Variants in DNAAF5 observed in about 807,000 individuals in gnomAD.
DNAAF5 encodes the protein dynein axonemal assembly factor 5.
DNAAF5 carries 64 observed loss-of-function variants against 75.8 expected under a neutral mutation model. The observed-to-expected ratio is 0.84, with a 90% CI of 0.69 to 1.04. The LOEUF is 1.04. DNAAF5 is among the 50% of genes least tolerant of loss of function. DNAAF5 has a pLI of 0.00. For missense variants in DNAAF5, 1,269 were observed against 1,178.5 expected, an observed-to-expected ratio of 1.08 and a Z score of -1.12; for synonymous variants, 657 against 557.2, an observed-to-expected ratio of 1.18 and a Z score of -2.52.
chr7:776,614 C>T (rs968140474), intron 11 of DNAAF5, among the ~76,000 whole-genome samples: 6 of 152,192 alleles, frequency 3.9e-5, no homozygotes, highest in African/African-American at 1.4e-4. Context: ...GTCGCCGCCT[C>T]CTGGAGCCCA....
chr7:727,284 C>G lies in DNAAF5; in HGVS notation c.564C>G (p.Ser188Arg), dbSNP rs1781361555. ...PFAAVRRESC[S>R]CAAALAQATP... ...CCGCCGTGCGCCGCGAGAGCTGCAGCTGCGCCGCCGCCCTGGCGCAGGCCA... is the reference window on the plus strand; with the variant it reads ...CCGCCGTGCGCCGCGAGAGCTGCAGGTGCGCCGCCGCCCTGGCGCAGGCCA... The change falls in exon 1 of 13, where the codon AGC (serine) becomes AGG (arginine). Residue 188 changes from serine to arginine, a missense_variant. Transcript: ENST00000297440. The G allele has an allele frequency of 7.6e-7, 1 of 1,309,614 alleles. No homozygotes were observed. Among genetic ancestry groups the G allele is most frequent in the South Asian group, 2.1e-5 (1 of 47,652 alleles). The allele number at this position is 1,309,614 out of a possible 1,614,324, so 81.1% of individuals were successfully genotyped here.
intron 8 of DNAAF5, among the ~76,000 whole-genome samples, chr7:768,225 A>G (rs1778409652): frequency 2.1e-5 from 3 of 144,540 alleles, no homozygotes; most frequent in African/African-American, 7.9e-5. Flanking sequence ...GAGGGGAGAC[A>G]CGTGATCAGG....
chr7:734,759 T>A (rs538696910), intron 2 of DNAAF5, among the ~76,000 whole-genome samples: 1 of 152,258 alleles, frequency 6.6e-6, no homozygotes, highest in African/African-American at 2.4e-5. Context: ...TACTTGTTAC[T>A]GGTCTGTTCA....
intron 8 of DNAAF5, among the ~76,000 whole-genome samples, chr7:767,685 C>T (rs574761002): frequency 1.7e-3 from 264 of 151,996 alleles, no homozygotes; most frequent in Non-Finnish European, 3.1e-3. Context: ...GGAACTCGCA[C>T]TGGGAGGGGA....
In DNAAF5 at chr7:726,870, G is replaced by T. The variant is rs1006499632; in HGVS notation, c.150G>T (p.Leu50Phe). The T allele has an allele frequency of 8.2e-5, 108 of 1,321,322 alleles. No homozygotes were observed. The highest frequency in any genetic ancestry group is 1.0e-4 in the Non-Finnish European group (105 of 1,038,256). 81.8% of individuals were successfully genotyped at this position (1,321,322 alleles called of 1,614,324 possible). ...ADSKPGRRRA[L>F]EALRRALEEP... is the part of the protein sequence containing the mutation. Reference sequence around the variant, plus strand: ...GCAAGCCGGGCCGGCGGCGCGCCTTGGAGGCCCTGCGGCGCGCGCTGGAGG... The same window carrying T: ...GCAAGCCGGGCCGGCGGCGCGCCTTTGAGGCCCTGCGGCGCGCGCTGGAGG... Residue 50 changes from leucine (L) to phenylalanine (F), a missense_variant, in exon 1 of 13, where the codon TTG (leucine) becomes TTT (phenylalanine). By Grantham distance (22) the Leu-to-Phe change is conservative. Coordinates refer to ENST00000297440, the MANE Select transcript of DNAAF5 (RefSeq NM_017802.4).
intron 4 of DNAAF5, among the ~76,000 whole-genome samples, chr7:744,953 C>G (rs1376857290): frequency 6.6e-6 from 1 of 152,340 alleles, no homozygotes; most frequent in Non-Finnish European, 1.5e-5. Flanking sequence ...CACTTACGAA[C>G]TCACTGTTGA....
chr7:727,447 AC>A, intron 1 of DNAAF5, 132 bp downstream of exon 1: 3 of 259,698 alleles, frequency 1.2e-5, no homozygotes, highest in African/African-American at 4.5e-5. Context: ...AACATCCCGG[AC>A]CCCCCATGCG....
intron 4 of DNAAF5, among the ~76,000 whole-genome samples, chr7:752,129 A>G (rs1782317437): frequency 6.6e-6 from 1 of 152,246 alleles, no homozygotes; most frequent in South Asian, 2.1e-4. Flanking sequence ...CACGCGGACC[A>G]CTGACTTGAT....
chr7:785,646 C>G lies in DNAAF5; in HGVS notation c.2561C>G (p.Thr854Arg). The change falls in exon 13 of 13, where the codon ACA becomes AGA. Residue 854 changes from threonine to arginine, a missense_variant. Thr to Arg is a moderately conservative substitution (Grantham distance 71). Transcript: ENST00000297440. ...CAGCATGTGCAGGCCGTGCCAGCCA[C>G]ACAGTGACCACGCTGGTTTCAGCCA... is the stretch of plus-strand genomic sequence containing the variant. Reference protein sequence around the residue: ...LLQHVQAVPATQ With the variant: ...LLQHVQAVPARQ 1 of 1,612,854 alleles carries G rather than the reference C, an allele frequency of 6.2e-7. No individual in the cohort carries two copies. The highest frequency in any genetic ancestry group is 8.5e-7 in the Non-Finnish European group (1 of 1,179,918).
Position 746,801 on chromosome 7 carries a change from G to C in DNAAF5, c.1024+5336G>C, listed in dbSNP as rs1782128550. Among the ~76,000 whole-genome samples, 5 of 152,206 alleles carry C rather than the reference G, an allele frequency of 3.3e-5. No homozygotes were observed. In the South Asian group the frequency reaches 1.0e-3, roughly 32 times the overall value. On this transcript the variant is annotated intron_variant, in intron 4 of 12. Coordinates refer to ENST00000297440, the MANE Select transcript of DNAAF5 (RefSeq NM_017802.4). ...GCAGCACCGCCTCTGTCCCCTGCATGTGGGCATCTCCACCGCCCAGAACTG... is the reference window on the plus strand; with the variant it reads ...GCAGCACCGCCTCTGTCCCCTGCATCTGGGCATCTCCACCGCCCAGAACTG...
chr7:780,299 T>C (rs866683325), intron 12 of DNAAF5, among the ~76,000 whole-genome samples, 155 bp downstream of exon 12: 1 of 152,388 alleles, frequency 6.6e-6, no homozygotes, highest in Middle Eastern at 3.4e-3. Flanking sequence ...TGGCAAACCC[T>C]GAGAGCGGCT....
In DNAAF5 at chr7:779,987, T is replaced by C; in HGVS notation, c.2274T>C (p.Asp758=). 1.2e-6 allele frequency: 2 copies of C among 1,614,178 alleles called. No homozygotes were observed. The highest frequency in any genetic ancestry group is 1.3e-5 in the African/African-American group (1 of 75,036). ...LLKRLDDVSN[D]VRMAAASTLV... is the part of the protein sequence containing the mutation. ...AACGCCTAGATGACGTGTCCAACGA[T>C]GTGAGGATGGCAGCCGCCTCCACCT... Residue 758 remains aspartate, a synonymous_variant, in exon 12 of 13, where the codon GAT becomes GAC. Transcript: ENST00000297440.
At position 779,928 on chromosome 7, in the gene DNAAF5, C is replaced by A. The variant is rs767345770; in HGVS notation, c.2240-25C>A. On this transcript the variant is annotated intron_variant, in intron 11 of 12. Coordinates refer to ENST00000297440, the MANE Select transcript of DNAAF5 (RefSeq NM_017802.4). ...GTGAAATGTCTGCTCTAGACTCACA[C>A]ACCTGTCTCGCTCCCTCCTTCCAGA... 15 of 1,604,620 alleles carry A rather than the reference C, an allele frequency of 9.3e-6. No homozygotes were observed. In the East Asian group the frequency reaches 3.3e-4, roughly 36 times the overall value.
At chr7:783,879 C>G (rs1443916433) in intron 12 of DNAAF5, among the ~76,000 whole-genome samples, 1 of 152,176 alleles carries the variant, frequency 6.6e-6, no homozygotes, top group Non-Finnish European at 1.5e-5. Flanking sequence ...GACCAGTGCC[C>G]CTGTGCACCA....
In DNAAF5 at chr7:761,797, G is replaced by A. The variant is rs946867417; in HGVS notation, c.1515G>A (p.Val505=). ...TGCTGCTGTGTGTGCAGGCTCTGGTGTCTGTGTGTCATGAGGACTGTGGCG... is the reference window on the plus strand; with the variant it reads ...TGCTGCTGTGTGTGCAGGCTCTGGTATCTGTGTGTCATGAGGACTGTGGCG... The part of the protein sequence containing the change: ...ERLLLCVQAL[V]SVCHEDCGVA... The change falls in exon 7 of 13, where the codon GTG becomes GTA. Residue 505 remains valine (V), a synonymous_variant. Coordinates refer to ENST00000297440, the MANE Select transcript of DNAAF5 (RefSeq NM_017802.4). The A allele has an allele frequency of 6.2e-7, 1 of 1,609,376 alleles. No individual in the cohort carries two copies. The highest frequency in any genetic ancestry group is 1.1e-5 in the South Asian group (1 of 89,948).
At chr7:768,085 C>A (rs575390275) in intron 8 of DNAAF5, among the ~76,000 whole-genome samples, 3 of 139,738 alleles carry the variant, frequency 2.1e-5, no homozygotes, top group Non-Finnish European at 3.1e-5. Context: ...GTGCAGCGAG[C>A]GGGAGCTCGC....
chr7:741,640 GTC>G (rs1177645148), intron 4 of DNAAF5, among the ~76,000 whole-genome samples, 175 bp downstream of exon 4: 2 of 152,210 alleles, frequency 1.3e-5, no homozygotes, highest in African/African-American at 4.8e-5. Flanking sequence ...GGCAGAGCAC[GTC>G]TCTCCTCAGC....
chr7:752,966 C>T (rs1318035399), intron 4 of DNAAF5, among the ~76,000 whole-genome samples: 2 of 152,226 alleles, frequency 1.3e-5, no homozygotes, highest in Admixed American at 6.5e-5. Context: ...AGACGCTCGG[C>T]GTCGTTAGTC....
At chr7:774,321 G>C (rs949943483) in intron 10 of DNAAF5, 123 bp downstream of exon 10, 42 of 1,055,996 alleles carry the variant, frequency 4.0e-5, no homozygotes, top group Non-Finnish European at 5.2e-5. Flanking sequence ...CCTGGGGCCC[G>C]TACCCCAAGA....
Sources: allele counts gnomAD v4.1 joint callset (sites outside exome capture counted in the v4.1 genomes callset), GRCh38; gene constraint gnomAD v4.1.1; transcripts MANE v1.5; gene names NCBI Gene and HGNC (gene_info 2026-07-23, HGNC 2026-07-21).